RARB: variants seen among roughly 807,000 people sequenced by gnomAD.
The protein encoded by RARB is HBV-activated protein.
Under a neutral mutation model 51.9 loss-of-function variants are expected in RARB, and 17 were observed. That is an observed-to-expected ratio of 0.33 (90% confidence interval 0.22 to 0.49). The LOEUF (loss-of-function observed/expected upper bound fraction) is 0.49, where lower values mean the gene tolerates loss of function less well. RARB is among the 20% of genes least tolerant of loss of function. The probability of loss-of-function intolerance (pLI) is 0.99; values close to 1 mark genes in which losing one functional copy is unlikely to be tolerated. For synonymous variants in RARB, 215 were observed against 195.4 expected (o/e 1.10, Z -0.84); for missense variants, 369 against 550.8 (o/e 0.67, Z 3.30).
intron 2 of RARB, among the ~76,000 whole-genome samples, chr3:25,480,283 C>T (rs905810568): frequency 1.3e-5 from 2 of 152,162 alleles, no homozygotes; most frequent in Non-Finnish European, 1.5e-5. Context: ...GCCAAGAGCA[C>T]GTATCTAGAA....
Position 24,971,071 on chromosome 3 carries a change from G to A in RARB, c.-379-89054G>A, listed in dbSNP as rs992300415. 3.3e-5 allele frequency among the ~76,000 whole-genome samples: 5 copies of A among 152,010 alleles called. 1 individual carries two copies. In the South Asian group the frequency reaches 1.0e-3, roughly 32 times the overall value. ...GGTTATATGCAGTACAGGAGACATG[G>A]ATATCACTTTAAATATGGCAAAAAT... On this transcript the variant is annotated intron_variant, in intron 2 of 11. Transcript: ENST00000383772.
intron 5 of RARB, among the ~76,000 whole-genome samples, chr3:25,192,645 G>T (rs1368568782): frequency 6.6e-6 from 1 of 152,030 alleles, no homozygotes; most frequent in Non-Finnish European, 1.5e-5. Flanking sequence ...GCCATAATTA[G>T]GGGTTACCTC....
intron 2 of RARB, among the ~76,000 whole-genome samples, chr3:24,873,005 A>G (rs944227633): frequency 5.3e-5 from 8 of 152,224 alleles, no homozygotes; most frequent in South Asian, 2.1e-4. Flanking sequence ...TGGACCATAC[A>G]TCCTCTTTTA....
intron 5 of RARB, among the ~76,000 whole-genome samples, chr3:25,291,750 T>C (rs541793244): frequency 6.6e-6 from 1 of 152,220 alleles, no homozygotes; most frequent in East Asian, 1.9e-4. Flanking sequence ...TTCAGACACA[T>C]TCACATTCAC....
intron 1 of RARB, among the ~76,000 whole-genome samples, chr3:24,829,852 T>C (rs1313906374): frequency 6.6e-6 from 1 of 152,162 alleles, no homozygotes; most frequent in Non-Finnish European, 1.5e-5. Context: ...CTGCGCACCT[T>C]AGGGCTGGGC....
At chr3:25,471,321 G>C (rs548400995) in intron 2 of RARB, among the ~76,000 whole-genome samples, 1 of 152,326 alleles carries the variant, frequency 6.6e-6, no homozygotes, top group South Asian at 2.1e-4. Context: ...ACGTGGAAGA[G>C]TACTGAGGGC....
At chr3:25,474,726 G>C (rs77314030) in intron 2 of RARB, among the ~76,000 whole-genome samples, 6,567 of 152,260 alleles carry the variant, frequency 0.043, 463 homozygotes, top group African/African-American at 0.15. Flanking sequence ...AACGTAGAAA[G>C]AGGGTATCAG....
chr3:24,891,540 C>T (rs953996776), intron 2 of RARB, among the ~76,000 whole-genome samples: 1 of 152,156 alleles, frequency 6.6e-6, no homozygotes, highest in African/African-American at 2.4e-5. Flanking sequence ...CAAATGTTAC[C>T]TGTTGCTTAC....
intron 3 of RARB, among the ~76,000 whole-genome samples, chr3:25,524,494 A>G (rs1463289429): frequency 6.6e-6 from 1 of 152,162 alleles, no homozygotes; most frequent in African/African-American, 2.4e-5. Flanking sequence ...TTGGTAGAAT[A>G]AAGATGAAGC....
At chr3:25,199,638 TC>T (rs956625107) in intron 5 of RARB, among the ~76,000 whole-genome samples, 4 of 152,090 alleles carry the variant, frequency 2.6e-5, no homozygotes, top group African/African-American at 9.7e-5. Flanking sequence ...ATGTTCCCCT[TC>T]CTGTGTCCAT....
In RARB at chr3:25,156,795, A is replaced by G. The variant is rs79039741; in HGVS notation, c.-279-17324A>G. 1.8e-3 allele frequency among the ~76,000 whole-genome samples: 276 copies of G among 152,294 alleles called. 1 individual carries two copies. The highest frequency in any genetic ancestry group is 6.4e-3 in the African/African-American group (268 of 41,566). On this transcript the variant is annotated intron_variant, in intron 4 of 11. Coordinates refer to the RARB transcript ENST00000383772. ...TTTCCCTCCTGAAAGAGTTTAAGAA[A>G]GAGAAACAGGCTGAGTCTTAGCTAG...
chr3:25,318,840 A>G (rs1380894517), intron 5 of RARB, among the ~76,000 whole-genome samples: 1 of 152,076 alleles, frequency 6.6e-6, no homozygotes, highest in Non-Finnish European at 1.5e-5. Flanking sequence ...AAAGGTTTTG[A>G]TTTTTTCAGC....
chr3:25,010,183 C>T (rs4566497), intron 2 of RARB, among the ~76,000 whole-genome samples: 46,209 of 151,906 alleles, frequency 0.3, 8,234 homozygotes, highest in African/African-American at 0.5. Flanking sequence ...AGAAACATAT[C>T]GGATTAATTT....
At chr3:25,044,305 G>T (rs1698171583) in intron 2 of RARB, among the ~76,000 whole-genome samples, 1 of 152,072 alleles carries the variant, frequency 6.6e-6, no homozygotes, top group South Asian at 2.1e-4. Flanking sequence ...ATGAGAAATT[G>T]GCCTTGTGTC....
At chr3:25,534,987 G>A (rs1001865113) in intron 3 of RARB, among the ~76,000 whole-genome samples, 9 of 152,192 alleles carry the variant, frequency 5.9e-5, no homozygotes, top group African/African-American at 2.2e-4. Flanking sequence ...AAATAGCCAT[G>A]TGGCTGTAGG....
At chr3:25,138,756 C>G (rs915900631) in intron 4 of RARB, among the ~76,000 whole-genome samples, 3 of 152,030 alleles carry the variant, frequency 2.0e-5, no homozygotes, top group African/African-American at 4.8e-5. Flanking sequence ...TTTAACTTGA[C>G]TAAATTAATT....
Position 24,840,682 on chromosome 3 carries a change from T to C in RARB, c.-459+11279T>C, listed in dbSNP as rs557691659. On this transcript the variant is annotated intron_variant, in intron 1 of 11. Coordinates refer to the RARB transcript ENST00000383772. The stretch of plus-strand genomic sequence containing the variant: ...GTCTTTTATAGCATTGGAATGTAAA[T>C]GGTTAGTATTTGCTGTTGCCCCTAC... Among the ~76,000 whole-genome samples, 3 of 146,712 alleles carry C rather than the reference T, an allele frequency of 2.0e-5. No individual in the cohort carries two copies. The South Asian group carries it at 6.4e-4, about 31-fold the overall frequency.
At chr3:25,375,097 G>A (rs530646707) in intron 5 of RARB, among the ~76,000 whole-genome samples, 1 of 152,034 alleles carries the variant, frequency 6.6e-6, no homozygotes, top group African/African-American at 2.4e-5. Flanking sequence ...TTACTCCACG[G>A]TGCTAGCCAC....
At chr3:25,385,868 G>A (rs1706779297) in intron 5 of RARB, among the ~76,000 whole-genome samples, 1 of 152,126 alleles carries the variant, frequency 6.6e-6, no homozygotes, top group African/African-American at 2.4e-5. Flanking sequence ...GACCTAAGAA[G>A]GAGCAATCAG....
Sources: allele counts gnomAD v4.1 joint callset (sites outside exome capture counted in the v4.1 genomes callset), GRCh38; gene constraint gnomAD v4.1.1; transcripts MANE v1.5; gene names NCBI Gene and HGNC (gene_info 2026-07-23, HGNC 2026-07-21).